NALCN: variants seen among roughly 807,000 people sequenced by gnomAD.
NALCN encodes sodium leak channel, non-selective.
Under a neutral mutation model 225.3 loss-of-function variants are expected in NALCN, and 111 were observed. The ratio of observed to expected loss-of-function variants is 0.49; its 90% CI spans 0.42 to 0.58. The LOEUF is 0.58. NALCN is among the 20% of genes least tolerant of loss of function. NALCN has a pLI of 0.00. For synonymous variants in NALCN, 764 were observed against 769.0 expected (o/e 0.99, Z 0.11); for missense variants, 1,378 against 2,202.4 (o/e 0.63, Z 7.49).
At chr13:101,186,488 A>G (rs185762840) in intron 14 of NALCN, among the ~76,000 whole-genome samples, 24 of 152,328 alleles carry the variant, frequency 1.6e-4, no homozygotes, top group African/African-American at 5.3e-4. Flanking sequence ...GTACAAAGGA[A>G]AAGAGAAACA....
intron 14 of NALCN, 91 bp downstream of exon 14, chr13:101,191,826 C>A: frequency 7.4e-7 from 1 of 1,358,416 alleles, no homozygotes; most frequent in East Asian, 2.5e-5. Context: ...CTTTGGCTCC[C>A]ATTTTGAAAT....
chr13:101,077,358 C>A (rs962968659), intron 34 of NALCN, among the ~76,000 whole-genome samples: 1 of 152,130 alleles, frequency 6.6e-6, no homozygotes, highest in Admixed American at 6.6e-5. Context: ...GAGGTTGGAA[C>A]AATTTGGAGG....
chr13:101,106,959 C>G (rs566081308), intron 22 of NALCN, among the ~76,000 whole-genome samples: 1 of 152,314 alleles, frequency 6.6e-6, no homozygotes, highest in South Asian at 2.1e-4. Context: ...AATGTCCACT[C>G]TACTTACGGC....
At chr13:101,326,285 T>C (rs2044948945) in intron 7 of NALCN, among the ~76,000 whole-genome samples, 1 of 152,202 alleles carries the variant, frequency 6.6e-6, no homozygotes, top group African/African-American at 2.4e-5. Flanking sequence ...TGCCTTCCAG[T>C]GGTAAACATA....
chr13:101,174,210 G>A (rs1471580565), intron 15 of NALCN, among the ~76,000 whole-genome samples: 2 of 152,120 alleles, frequency 1.3e-5, no homozygotes, highest in African/African-American at 4.8e-5. Flanking sequence ...CATGAATAAA[G>A]AATAGTGTAA....
intron 10 of NALCN, among the ~76,000 whole-genome samples, chr13:101,273,769 C>T (rs559118055): frequency 2.6e-4 from 40 of 151,412 alleles, no homozygotes; most frequent in African/African-American, 8.5e-4. Flanking sequence ...CCTGTAGACC[C>T]AGCAACTCGG....
intron 15 of NALCN, among the ~76,000 whole-genome samples, chr13:101,153,584 T>G (rs1302462577): frequency 9.9e-5 from 15 of 152,182 alleles, no homozygotes; most frequent in African/African-American, 2.4e-5. Context: ...TACAGCACCA[T>G]TATATCGCTT....
chr13:101,091,242 G>A (rs1420221460), intron 28 of NALCN, among the ~76,000 whole-genome samples: 1 of 152,062 alleles, frequency 6.6e-6, no homozygotes, highest in African/African-American at 2.4e-5. Context: ...ACTAGAGTAG[G>A]CCCCTTGGAG....
At chr13:101,103,769 C>T (rs992185661) in intron 25 of NALCN, among the ~76,000 whole-genome samples, 1 of 152,110 alleles carries the variant, frequency 6.6e-6, no homozygotes, top group Non-Finnish European at 1.5e-5. Context: ...CTTGGACATA[C>T]AGGAAAAATA....
intron 11 of NALCN, among the ~76,000 whole-genome samples, chr13:101,248,334 A>G (rs1394912149): frequency 6.6e-6 from 1 of 152,236 alleles, no homozygotes; most frequent in Non-Finnish European, 1.5e-5. Flanking sequence ...GGTACATTAG[A>G]AACTGTTAGT....
chr13:101,101,527 C>T (rs1330432587), intron 26 of NALCN, among the ~76,000 whole-genome samples: 1 of 152,076 alleles, frequency 6.6e-6, no homozygotes, highest in Non-Finnish European at 1.5e-5. Context: ...GCAATCCACC[C>T]GCCTGGGCCT....
At chr13:101,296,368 G>T (rs2043756399) in intron 7 of NALCN, among the ~76,000 whole-genome samples, 1 of 152,120 alleles carries the variant, frequency 6.6e-6, no homozygotes, top group Admixed American at 6.5e-5. Flanking sequence ...ATACTGCACA[G>T]ATAATTTGGA....
At chr13:101,215,465 G>A (rs1181671320) in intron 13 of NALCN, among the ~76,000 whole-genome samples, 1 of 152,110 alleles carries the variant, frequency 6.6e-6, no homozygotes, top group Non-Finnish European at 1.5e-5. Flanking sequence ...TGGGCATGGT[G>A]TAATATAACT....
chr13:101,085,940 T>C (rs2033907830), intron 30 of NALCN, among the ~76,000 whole-genome samples: 1 of 152,178 alleles, frequency 6.6e-6, no homozygotes, highest in Non-Finnish European at 1.5e-5. Flanking sequence ...TTGAGCTGCT[T>C]CTGTTTTCTA....
chr13:101,081,875 A>G (rs1023787981), intron 33 of NALCN, among the ~76,000 whole-genome samples: 2 of 151,806 alleles, frequency 1.3e-5, no homozygotes, highest in African/African-American at 4.8e-5. Flanking sequence ...CTGTCTGTCT[A>G]TTTATTTATT....
At chr13:101,304,549 G>A (rs545120337) in intron 7 of NALCN, among the ~76,000 whole-genome samples, 1 of 151,938 alleles carries the variant, frequency 6.6e-6, no homozygotes, top group Non-Finnish European at 1.5e-5. Flanking sequence ...CTCCGCCTGG[G>A]ATTACAGGCG....
At chr13:101,144,969 T>C (rs2037276064) in intron 15 of NALCN, 73 bp from the exon 16 acceptor site, 11 of 1,460,802 alleles carry the variant, frequency 7.5e-6, no homozygotes, top group Non-Finnish European at 1.0e-5. Flanking sequence ...CAAAATTAGT[T>C]TTAGAATGGA....
intron 7 of NALCN, among the ~76,000 whole-genome samples, chr13:101,317,916 C>T (rs1464362513): frequency 1.3e-5 from 2 of 151,984 alleles, no homozygotes; most frequent in South Asian, 2.1e-4. Flanking sequence ...TATTTTTTAA[C>T]GTATTGAAAT....
intron 9 of NALCN, among the ~76,000 whole-genome samples, chr13:101,287,734 C>T (rs893856475): frequency 2.0e-5 from 3 of 152,162 alleles, no homozygotes; most frequent in African/African-American, 7.2e-5. Flanking sequence ...TTTGAGAATT[C>T]TCTCAGGCCT....
Sources: gnomAD v4.1 joint callset for allele counts (sites outside exome capture counted in the v4.1 genomes callset) on GRCh38, gnomAD v4.1.1 for gene constraint, MANE v1.5 for transcripts, NCBI Gene and HGNC (gene_info 2026-07-23, HGNC 2026-07-21) for gene names.